RBFOX1: variants seen among roughly 807,000 people sequenced by gnomAD.
The protein encoded by RBFOX1 is RNA binding fox-1 homolog 1, also known as RNA binding protein fox-1 homolog 1.
In RBFOX1, 8 loss-of-function variants were observed where a neutral mutation model predicts 57.7. The ratio of observed to expected loss-of-function variants is 0.14; its 90% CI spans 0.08 to 0.25. RBFOX1 has a LOEUF of 0.25. Among genes scored for constraint, RBFOX1 ranks in the 10% least tolerant of loss-of-function variants. RBFOX1 has a pLI of 1.00. For synonymous variants in RBFOX1, 326 were observed against 222.4 expected (o/e 1.47, Z -4.15); for missense variants, 611 against 548.5 (o/e 1.11, Z -1.14).
chr16:6,447,432 A>T (rs934778985), intron 2 of RBFOX1, among the ~76,000 whole-genome samples: 5 of 152,220 alleles, frequency 3.3e-5, no homozygotes, highest in Non-Finnish European at 5.9e-5. Context: ...TGTTATAAAA[A>T]TGAGGTAGGC....
At chr16:5,748,124 C>G (rs185125876) in intron 3 of RBFOX1, among the ~76,000 whole-genome samples, 4 of 152,114 alleles carry the variant, frequency 2.6e-5, no homozygotes, top group African/African-American at 9.7e-5. Context: ...GCCTTCATTT[C>G]GTTATGTACC....
chr16:7,228,810 A>C (rs2152901373), intron 4 of RBFOX1, among the ~76,000 whole-genome samples: 1 of 152,320 alleles, frequency 6.6e-6, no homozygotes, highest in South Asian at 2.1e-4. Flanking sequence ...TGGATTAAAA[A>C]CATAATCTCT....
At chr16:6,345,822 T>C (rs945596366) in intron 2 of RBFOX1, among the ~76,000 whole-genome samples, 5 of 152,216 alleles carry the variant, frequency 3.3e-5, no homozygotes, top group African/African-American at 1.2e-4. Flanking sequence ...CCTGACGACA[T>C]GTGCGCAAGG....
intron 2 of RBFOX1, among the ~76,000 whole-genome samples, chr16:6,490,433 C>T (rs368203763): frequency 1.3e-5 from 2 of 152,174 alleles, no homozygotes; most frequent in East Asian, 1.9e-4. Context: ...TCTCACATCT[C>T]GAATACAAGC....
At chr16:7,401,341 A>T (rs1235531761) in intron 4 of RBFOX1, among the ~76,000 whole-genome samples, 2 of 152,192 alleles carry the variant, frequency 1.3e-5, no homozygotes, top group African/African-American at 4.8e-5. Flanking sequence ...CAAGGAGGTA[A>T]ACTTTGTTGA....
At chr16:6,950,684 T>G (rs144101562) in intron 3 of RBFOX1, among the ~76,000 whole-genome samples, 34 of 152,192 alleles carry the variant, frequency 2.2e-4, no homozygotes, top group African/African-American at 7.9e-4. Flanking sequence ...CAGGTTGAGT[T>G]GAAGAATGAA....
chr16:5,484,105 A>G (rs2069643539), intron 2 of RBFOX1, among the ~76,000 whole-genome samples: 1 of 152,246 alleles, frequency 6.6e-6, no homozygotes, highest in East Asian at 1.9e-4. Context: ...AAAGAGGTTG[A>G]GGCCGCAGTG....
intron 1 of RBFOX1, among the ~76,000 whole-genome samples, chr16:5,362,529 A>G (rs2065582489): frequency 6.6e-6 from 1 of 151,996 alleles, no homozygotes; most frequent in African/African-American, 2.4e-5. Flanking sequence ...CGCTTGGCTA[A>G]TTTTGTATTT....
At chr16:6,211,351 C>G (rs751743043) in intron 1 of RBFOX1, among the ~76,000 whole-genome samples, 1 of 151,606 alleles carries the variant, frequency 6.6e-6, no homozygotes, top group South Asian at 2.1e-4. Flanking sequence ...ACCTCAGCCT[C>G]CCAGGTAGCT....
intron 2 of RBFOX1, among the ~76,000 whole-genome samples, chr16:6,438,379 T>G (rs941373977): frequency 6.6e-6 from 1 of 152,146 alleles, no homozygotes; most frequent in Non-Finnish European, 1.5e-5. Flanking sequence ...ACCTAAGAAG[T>G]GGTGGAGTTG....
intron 2 of RBFOX1, among the ~76,000 whole-genome samples, chr16:6,395,359 C>A (rs1318281205): frequency 1.3e-5 from 2 of 152,180 alleles, no homozygotes; most frequent in African/African-American, 4.8e-5. Flanking sequence ...TGTTATACTT[C>A]TTCTTAGTCT....
At chr16:5,954,409 A>G (rs1156558631) in intron 4 of RBFOX1, among the ~76,000 whole-genome samples, 1 of 152,090 alleles carries the variant, frequency 6.6e-6, no homozygotes, top group Middle Eastern at 3.2e-3. Context: ...GACACTGCTG[A>G]GAACGAAGCA....
At chr16:6,743,547 A>C (rs1422105557) in intron 3 of RBFOX1, among the ~76,000 whole-genome samples, 1 of 152,000 alleles carries the variant, frequency 6.6e-6, no homozygotes, top group East Asian at 1.9e-4. Flanking sequence ...TTTGAGACCA[A>C]CCTGAGCAAC....
intron 4 of RBFOX1, among the ~76,000 whole-genome samples, chr16:7,226,497 C>T (rs140953765): frequency 1.3e-5 from 2 of 152,278 alleles, no homozygotes; most frequent in East Asian, 3.9e-4. Flanking sequence ...TGTGTACATT[C>T]TGAGGGCAAA....
At chr16:6,709,451 T>G (rs1249340150) in intron 3 of RBFOX1, among the ~76,000 whole-genome samples, 2 of 152,218 alleles carry the variant, frequency 1.3e-5, no homozygotes, top group Non-Finnish European at 2.9e-5. Context: ...GTTTCATGAG[T>G]TCTTCATACA....
chr16:6,252,178 C>T (rs982478988), intron 1 of RBFOX1, among the ~76,000 whole-genome samples: 1 of 152,010 alleles, frequency 6.6e-6, no homozygotes, highest in East Asian at 1.9e-4. Context: ...TTTTGCGTCC[C>T]TGCACCCATC....
chr16:7,442,799 C>T (rs1207371864), intron 4 of RBFOX1, among the ~76,000 whole-genome samples: 2 of 152,184 alleles, frequency 1.3e-5, no homozygotes, highest in East Asian at 3.9e-4. Flanking sequence ...CCCACCAGAT[C>T]AGCTAATTTG....
chr16:5,810,367 C>T (rs2055378551), intron 3 of RBFOX1, among the ~76,000 whole-genome samples: 1 of 152,050 alleles, frequency 6.6e-6, no homozygotes, highest in Non-Finnish European at 1.5e-5. Flanking sequence ...GTGTCAACAG[C>T]CAAGGAGAGA....
At chr16:6,944,677 G>A (rs951939366) in intron 3 of RBFOX1, among the ~76,000 whole-genome samples, 1 of 152,124 alleles carries the variant, frequency 6.6e-6, no homozygotes, top group South Asian at 2.1e-4. Context: ...GCAGGAACCT[G>A]GGCTGATTTC....
Sources: allele counts gnomAD v4.1 joint callset (sites outside exome capture counted in the v4.1 genomes callset), GRCh38; gene constraint gnomAD v4.1.1; transcripts MANE v1.5; gene names NCBI Gene and HGNC (gene_info 2026-07-23, HGNC 2026-07-21).